The following ASXL3 variants were observed in gnomAD, a reference collection of about 807,000 sequenced individuals.
ASXL3 encodes putative Polycomb group protein ASXL3.
Under a neutral mutation model 170.6 loss-of-function variants are expected in ASXL3, and 34 were observed. The observed-to-expected ratio is 0.20, with a 90% CI of 0.15 to 0.27. The LOEUF is 0.27. Ranked by LOEUF, ASXL3 falls within the 10% of genes least tolerant of loss-of-function variation. The pLI, the probability that ASXL3 is intolerant of heterozygous loss-of-function variation, is 1.00. For missense variants in ASXL3, 2,592 were observed against 2,695.3 expected (o/e 0.96, Z 0.85); for synonymous variants, 1,002 against 989.1 (o/e 1.01, Z -0.24).
At chr18:33,679,987 A>G (rs1482359045) in intron 7 of ASXL3, among the ~76,000 whole-genome samples, 1 of 151,846 alleles carries the variant, frequency 6.6e-6, no homozygotes, top group African/African-American at 2.4e-5. Flanking sequence ...TGTTTAACGA[A>G]TGTCTGCTTT....
intron 2 of ASXL3, chr18:33,608,964 T>C: frequency 1.1e-6 from 1 of 926,892 alleles, no homozygotes; most frequent in Non-Finnish European, 1.3e-6. Flanking sequence ...TCATTTTTTA[T>C]TTTGGAGACT....
chr18:33,631,653 T>TCTCAAAC (rs2065679152), intron 2 of ASXL3, among the ~76,000 whole-genome samples: 1 of 152,134 alleles, frequency 6.6e-6, no homozygotes, highest in South Asian at 2.1e-4. Flanking sequence ...TGTTCGCTGC[T>TCTCAAAC]GATATCAGCG....
intron 8 of ASXL3, among the ~76,000 whole-genome samples, chr18:33,706,297 TG>T (rs2066956833): frequency 6.6e-6 from 1 of 151,738 alleles, no homozygotes; most frequent in African/African-American, 2.4e-5. Context: ...TTTATGGTTT[TG>T]CTTCCATGGA....
chr18:33,702,522 T>G (rs933325134), intron 8 of ASXL3, among the ~76,000 whole-genome samples: 1 of 152,210 alleles, frequency 6.6e-6, no homozygotes, highest in Non-Finnish European at 1.5e-5. Context: ...CTGATCCCTC[T>G]GTTAAACTAT....
At chr18:33,587,093 A>G (rs2065040598) in intron 1 of ASXL3, among the ~76,000 whole-genome samples, 3 of 152,164 alleles carry the variant, frequency 2.0e-5, no homozygotes, top group Admixed American at 2.0e-4. Flanking sequence ...TCAAGAACAG[A>G]TACAATTTTA....
chr18:33,747,684 A>G lies in ASXL3; in HGVS notation c.*1089A>G, dbSNP rs917401619. 2 of 152,166 alleles carry G rather than the reference A, an allele frequency of 1.3e-5. No homozygotes were observed. The highest frequency in any genetic ancestry group is 4.8e-5 in the African/African-American group (2 of 41,430). 9.4% of individuals were successfully genotyped at this position (152,166 alleles called of 1,614,324 possible). On this transcript the variant is annotated 3_prime_UTR_variant, in exon 12 of 12. Transcript: ENST00000269197. ...TAAAGCGTCAACATTTTTCAGAACA[A>G]TTGCTTTTCTCATTATTTACAACCT...
chr18:33,726,957 G>A (rs1045995282), intron 8 of ASXL3, among the ~76,000 whole-genome samples: 5 of 152,186 alleles, frequency 3.3e-5, no homozygotes, highest in East Asian at 3.9e-4. Flanking sequence ...TATTCTCTTC[G>A]CTTGGCTGTT....
intron 1 of ASXL3, among the ~76,000 whole-genome samples, chr18:33,598,592 G>T (rs766052533): frequency 5.8e-4 from 89 of 152,308 alleles, no homozygotes; most frequent in Non-Finnish European, 1.0e-3. Context: ...CAAAGTCACA[G>T]CAACTTTATC....
rs8095498 is a variant in ASXL3 at position 33,581,652 on chromosome 18, C to A, written c.54+2967C>A. ...ATCTTTCTAGTGTAACTAAGACTTT[C>A]CAGTTCACAACAGAATTTCTATTTT... On this transcript the variant is annotated intron_variant, in intron 1 of 11. Coordinates refer to ENST00000269197, the MANE Select transcript of ASXL3 (RefSeq NM_030632.3). 3.5e-3 allele frequency among the ~76,000 whole-genome samples: 539 copies of A among 152,188 alleles called. 2 individuals carry two copies. The highest frequency in any genetic ancestry group is 0.012 in the African/African-American group (518 of 41,496).
chr18:33,581,867 T>C (rs536559172), intron 1 of ASXL3, among the ~76,000 whole-genome samples: 1 of 152,316 alleles, frequency 6.6e-6, no homozygotes, highest in South Asian at 2.1e-4. Context: ...TTTGCCTGTG[T>C]TTTCAGGAAT....
chr18:33,745,326 C>G lies in ASXL3; in HGVS notation c.5478C>G (p.His1826Gln). The G allele has an allele frequency of 6.2e-7, 1 of 1,613,940 alleles. No individual in the cohort carries two copies. The change falls in exon 12 of 12, where the codon CAC becomes CAG. Residue 1826 changes from histidine (H) to glutamine (Q), a missense_variant. This residue lies in a region of ASXL3 where 2,246 missense variants were observed against 2,219.6 expected (regional missense o/e 1.01). Coordinates refer to ENST00000269197, the MANE Select transcript of ASXL3 (RefSeq NM_030632.3). ...TCCAAATGAGAAAGCGAGAAAACCA[C>G]CCCAAAAAGAGAGTAGCTAGGACTG... is the stretch of plus-strand genomic sequence containing the variant. ...APLQMRKREN[H>Q]PKKRVARTVG...
intron 8 of ASXL3, among the ~76,000 whole-genome samples, chr18:33,727,067 G>A (rs1367160283): frequency 6.6e-6 from 1 of 152,032 alleles, no homozygotes; most frequent in Non-Finnish European, 1.5e-5. Context: ...ATTTAGAGCC[G>A]CAATCATCTT....
intron 1 of ASXL3, among the ~76,000 whole-genome samples, chr18:33,589,834 T>C (rs1249600015): frequency 6.6e-6 from 1 of 152,188 alleles, no homozygotes; most frequent in Non-Finnish European, 1.5e-5. Context: ...TGGGTACTTA[T>C]GTGCTTCATG....
chr18:33,686,640 TGACTG>T lies in ASXL3; in HGVS notation c.879+3075_879+3079del, dbSNP rs201407267. Among the ~76,000 whole-genome samples, 1,085 of 152,332 alleles carry T rather than the reference TGACTG, an allele frequency of 7.1e-3. 8 individuals carry two copies. Among genetic ancestry groups the T allele is most frequent in the Middle Eastern group, 0.027 (8 of 294 alleles). On this transcript the variant is annotated intron_variant, in intron 8 of 11. Coordinates refer to ENST00000269197, the MANE Select transcript of ASXL3 (RefSeq NM_030632.3). The stretch of plus-strand genomic sequence containing the variant: ...TTCCAGAAGACTTAATATCTCTGTA[TGACTG>T]GAGCCACCTAAAGGAGAAAATGGTG...
chr18:33,653,966 A>G (rs1328377028), intron 4 of ASXL3, among the ~76,000 whole-genome samples: 1 of 151,658 alleles, frequency 6.6e-6, no homozygotes, highest in Non-Finnish European at 1.5e-5. Flanking sequence ...ACTTACAGAC[A>G]CTTTTCATTT....
At position 33,587,206 on chromosome 18, in the gene ASXL3, A is replaced by G. The variant is rs190803016; in HGVS notation, c.54+8521A>G. 3.9e-5 allele frequency among the ~76,000 whole-genome samples: 6 copies of G among 152,308 alleles called. No homozygotes were observed. In the East Asian group the frequency reaches 9.6e-4, roughly 24 times the overall value. ...ACTGACAACACTGTTTTAAAGTGAT[A>G]TATCATTGAATTTTCTAATCATATG... On this transcript the variant is annotated intron_variant, in intron 1 of 11. Coordinates refer to ENST00000269197, the MANE Select transcript of ASXL3 (RefSeq NM_030632.3).
Position 33,746,327 on chromosome 18 carries a change from G to A in ASXL3, c.6479G>A (p.Gly2160Asp). ...GGAAATTATCCAACAATACACTTTG[G>A]TAGCACGAGTTTCAAAAGGGCAGCA... ...LCGNYPTIHF[G>D]STSFKRAASA... The change falls in exon 12 of 12, where the codon GGT becomes GAT. Residue 2160 changes from glycine (G) to aspartate (D), a missense_variant. Around this residue, in one of 4 missense-constraint regions of ASXL3, gnomAD observed 2,246 missense variants for 2,219.6 expected, o/e 1.01. Transcript: ENST00000269197. 6.2e-7 allele frequency: 1 copy of A among 1,613,968 alleles called. No individual in the cohort carries two copies. The highest frequency in any genetic ancestry group is 8.5e-7 in the Non-Finnish European group (1 of 1,179,888).
chr18:33,656,340 A>G (rs1253680602), intron 4 of ASXL3, among the ~76,000 whole-genome samples: 3 of 152,140 alleles, frequency 2.0e-5, no homozygotes, highest in Admixed American at 2.0e-4. Flanking sequence ...GTGTTTGGAA[A>G]GAGAACTTAC....
intron 2 of ASXL3, among the ~76,000 whole-genome samples, chr18:33,623,948 CAGG>C (rs2065558933): frequency 6.6e-6 from 1 of 152,040 alleles, no homozygotes; most frequent in Non-Finnish European, 1.5e-5. Context: ...GGCTTGAGGC[CAGG>C]AGTTTAAGAC....
Sources: allele counts gnomAD v4.1 joint callset (sites outside exome capture counted in the v4.1 genomes callset), GRCh38; gene constraint gnomAD v4.1.1; regional missense constraint gnomAD v4.1.1; transcripts MANE v1.5; gene names NCBI Gene and HGNC (gene_info 2026-07-23, HGNC 2026-07-21).